The following RASGEF1C variants were observed in gnomAD, a reference collection of about 807,000 sequenced individuals.
The protein encoded by RASGEF1C is RasGEF domain family member 1C.
A neutral mutation model predicts 58.1 loss-of-function variants in RASGEF1C; 27 were observed. That is an observed-to-expected ratio of 0.46 (90% CI 0.34 to 0.64). The LOEUF is 0.64. Among genes scored for constraint, RASGEF1C ranks in the 30% least tolerant of loss-of-function variants. The pLI is 0.01. For missense variants in RASGEF1C, 502 were observed against 605.1 expected (o/e 0.83, Z 1.79); for synonymous variants, 243 against 246.3 (o/e 0.99, Z 0.13).
intron 1 of RASGEF1C, among the ~76,000 whole-genome samples, chr5:180,145,057 C>T (rs1054012144): frequency 1.3e-5 from 2 of 152,184 alleles, no homozygotes; most frequent in Non-Finnish European, 2.9e-5. Context: ...TGTCAGTGGG[C>T]AGTGGGGGTT....
chr5:180,190,447 G>A (rs78106226), intron 1 of RASGEF1C, among the ~76,000 whole-genome samples: 6,326 of 113,398 alleles, frequency 0.056, 844 homozygotes, highest in East Asian at 0.34. Flanking sequence ...CTGAGATCGC[G>A]CCACTGCACT....
chr5:180,178,594 T>A (rs1471967238), intron 1 of RASGEF1C, among the ~76,000 whole-genome samples: 1 of 152,110 alleles, frequency 6.6e-6, no homozygotes, highest in Non-Finnish European at 1.5e-5. Flanking sequence ...CAGGGCTTTT[T>A]ATTTACAGAA....
chr5:180,159,684 T>C (rs1766907407), intron 1 of RASGEF1C, among the ~76,000 whole-genome samples: 1 of 152,216 alleles, frequency 6.6e-6, no homozygotes, highest in Admixed American at 6.5e-5. Flanking sequence ...ACTCTGATCC[T>C]GAAGTTGGGA....
chr5:180,173,906 G>A (rs1767165045), intron 1 of RASGEF1C, among the ~76,000 whole-genome samples: 1 of 92,270 alleles, frequency 1.1e-5, no homozygotes, highest in Non-Finnish European at 2.2e-5. Context: ...GAGCGAGACT[G>A]TCTCAAAACA....
chr5:180,131,159 AG>A (rs1330403549), intron 4 of RASGEF1C, among the ~76,000 whole-genome samples: 1 of 152,092 alleles, frequency 6.6e-6, no homozygotes, highest in Non-Finnish European at 1.5e-5. Flanking sequence ...GCAGCCACAG[AG>A]GTCTGTTCAA....
chr5:180,141,799 TC>T (rs1209850843), intron 1 of RASGEF1C, among the ~76,000 whole-genome samples: 2 of 149,500 alleles, frequency 1.3e-5, no homozygotes, highest in Non-Finnish European at 3.0e-5. Context: ...AGTCTCCACC[TC>T]CCAGGTTCAA....
At chr5:180,206,077 A>G (rs2127565107) in intron 1 of RASGEF1C, among the ~76,000 whole-genome samples, 1 of 151,884 alleles carries the variant, frequency 6.6e-6, no homozygotes, top group Admixed American at 6.6e-5. Flanking sequence ...TCTCTCTTTC[A>G]CCAGTATGTG....
At chr5:180,136,938 A>G (rs974415152) in intron 3 of RASGEF1C, among the ~76,000 whole-genome samples, 5 of 152,142 alleles carry the variant, frequency 3.3e-5, no homozygotes, top group East Asian at 1.9e-4. Context: ...CTGGGCCAGT[A>G]GAGAAAAGGA....
chr5:180,190,213 C>T (rs1561756402), intron 1 of RASGEF1C, among the ~76,000 whole-genome samples: 1 of 152,030 alleles, frequency 6.6e-6, no homozygotes, highest in African/African-American at 2.4e-5. Flanking sequence ...ATAGGCCGGG[C>T]ACGGTGGCTC....
chr5:180,141,432 A>C (rs1416343434), intron 1 of RASGEF1C, among the ~76,000 whole-genome samples: 1 of 152,208 alleles, frequency 6.6e-6, no homozygotes, highest in Non-Finnish European at 1.5e-5. Flanking sequence ...GACCTTGAGG[A>C]CGTCATGCTA....
chr5:180,130,474 T>C (rs1403951673), intron 4 of RASGEF1C, among the ~76,000 whole-genome samples: 1 of 152,158 alleles, frequency 6.6e-6, no homozygotes, highest in Non-Finnish European at 1.5e-5. Flanking sequence ...ACCTCCTGTC[T>C]CTCTCCCAGG....
At chr5:180,200,127 G>T (rs1385565254) in intron 1 of RASGEF1C, among the ~76,000 whole-genome samples, 1 of 151,806 alleles carries the variant, frequency 6.6e-6, no homozygotes, top group Non-Finnish European at 1.5e-5. Context: ...GGGCACGGTG[G>T]CATGTGCCTG....
chr5:180,182,271 T>C (rs1326990042), intron 1 of RASGEF1C, among the ~76,000 whole-genome samples: 1 of 142,654 alleles, frequency 7.0e-6, no homozygotes, highest in Non-Finnish European at 1.5e-5. Flanking sequence ...GTTACACAGC[T>C]CTTAAAGGTG....
chr5:180,162,559 A>C (rs1351506991), intron 1 of RASGEF1C, among the ~76,000 whole-genome samples: 1 of 152,138 alleles, frequency 6.6e-6, no homozygotes, highest in African/African-American at 2.4e-5. Context: ...TCTCTGTATT[A>C]CCCCAAGCAA....
chr5:180,138,501 T>G (rs1344519437), intron 1 of RASGEF1C, among the ~76,000 whole-genome samples: 2 of 152,170 alleles, frequency 1.3e-5, no homozygotes, highest in Non-Finnish European at 2.9e-5. Flanking sequence ...TTGGAGGCTT[T>G]CTTTCCCCCT....
rs1399438466 is a variant in RASGEF1C, at chr5:180,177,549, C to G, written c.-7+31479G>C. On this transcript the variant is annotated intron_variant, in intron 1 of 13. Transcript: ENST00000361132. The surrounding 1 kb of genome is among the most constrained non-coding windows in gnomAD (Gnocchi z 5.0). ...CATGGCCTCTGCGGCTTCTGCCTGGCCAGCATCTGTTCTTCCCTCTGAAAA... is the reference window on the plus strand; with the variant it reads ...CATGGCCTCTGCGGCTTCTGCCTGGGCAGCATCTGTTCTTCCCTCTGAAAA... Among the ~76,000 whole-genome samples, 1 of 152,236 alleles carries G rather than the reference C, an allele frequency of 6.6e-6. No individual in the cohort carries two copies. The highest frequency in any genetic ancestry group is 2.4e-5 in the African/African-American group (1 of 41,460).
At chr5:180,138,550 T>G (rs779558280) in intron 1 of RASGEF1C, among the ~76,000 whole-genome samples, 2 of 152,162 alleles carry the variant, frequency 1.3e-5, no homozygotes, top group Non-Finnish European at 1.5e-5. Flanking sequence ...CCGACGCTAC[T>G]GGGGCCATTG....
intron 1 of RASGEF1C, among the ~76,000 whole-genome samples, chr5:180,194,807 A>G (rs4342282): frequency 0.88 from 133,436 of 152,194 alleles, 60,410 homozygotes; most frequent in Non-Finnish European, 1. Flanking sequence ...AGGATTCCGA[A>G]CCAGCCCTCT....
At chr5:180,140,324 T>C (rs1455384203) in intron 1 of RASGEF1C, among the ~76,000 whole-genome samples, 1 of 152,196 alleles carries the variant, frequency 6.6e-6, no homozygotes, top group Admixed American at 6.5e-5. Flanking sequence ...CTTATCCTTG[T>C]GCCGCAGCCT....
Sources: gnomAD v4.1 joint callset for allele counts (sites outside exome capture counted in the v4.1 genomes callset) on GRCh38, gnomAD v4.1.1 for gene constraint, Gnocchi (gnomAD v3.1) non-coding constraint, MANE v1.5 for transcripts, NCBI Gene and HGNC (gene_info 2026-07-23, HGNC 2026-07-21) for gene names.